NRG1: variants seen among roughly 807,000 people sequenced by gnomAD.
NRG1 encodes the protein pro-neuregulin-1, membrane-bound isoform.
In NRG1, 18 loss-of-function variants were observed where a neutral mutation model predicts 63.8. That is an observed-to-expected ratio of 0.28 (90% CI 0.19 to 0.42). The LOEUF is 0.42. NRG1 is among the 10% of genes least tolerant of loss of function. NRG1 has a pLI of 1.00. For missense variants in NRG1, 762 were observed against 814.7 expected (o/e 0.94, Z 0.79); for synonymous variants, 302 against 301.3 (o/e 1.00, Z -0.02).
chr8:32,314,453 C>CA (rs57635867), intron 1 of NRG1, among the ~76,000 whole-genome samples: 3 of 152,134 alleles, frequency 2.0e-5, no homozygotes, highest in Admixed American at 6.5e-5. Flanking sequence ...CGCGTGAAGA[C>CA]TAAGTAGACG....
At chr8:31,840,145 G>T (rs1299397857) in intron 1 of NRG1, among the ~76,000 whole-genome samples, 1 of 152,092 alleles carries the variant, frequency 6.6e-6, no homozygotes, top group Non-Finnish European at 1.5e-5. Flanking sequence ...AATGTATGTG[G>T]CCTAAATTTA....
At chr8:32,087,484 T>TTTTTTTC in intron 1 of NRG1, among the ~76,000 whole-genome samples, 1 of 119,848 alleles carries the variant, frequency 8.3e-6, no homozygotes, top group Non-Finnish European at 1.7e-5. Flanking sequence ...TTTTCTTTCT[T>TTTTTTTC]TTTTTTTTTT....
chr8:32,367,747 C>G (rs953160562), intron 1 of NRG1, among the ~76,000 whole-genome samples: 1 of 152,074 alleles, frequency 6.6e-6, no homozygotes, highest in Non-Finnish European at 1.5e-5. Context: ...AGATCTTCGC[C>G]CAGACCAACA....
chr8:32,748,876 T>C (rs572472969), intron 7 of NRG1: 44 of 279,146 alleles, frequency 1.6e-4, no homozygotes, highest in African/African-American at 8.8e-4. Flanking sequence ...AAGCCCCTGT[T>C]TGGGGTTTTG....
At chr8:32,654,650 T>TTGTAATATGTATATTATATG (rs1855893431) in intron 5 of NRG1, among the ~76,000 whole-genome samples, 1 of 72,932 alleles carries the variant, frequency 1.4e-5, no homozygotes, top group African/African-American at 4.7e-5. Context: ...AATTTTACCT[T>TTGTAATATGTATATTATATG]TATAATATTG....
chr8:32,503,560 C>A (rs980347227), intron 1 of NRG1, among the ~76,000 whole-genome samples: 2 of 151,966 alleles, frequency 1.3e-5, no homozygotes, highest in Admixed American at 6.6e-5. Flanking sequence ...AGTTTAATAG[C>A]CTTAAACCTC....
At chr8:31,762,154 A>G (rs1294252226) in intron 1 of NRG1, among the ~76,000 whole-genome samples, 3 of 152,216 alleles carry the variant, frequency 2.0e-5, no homozygotes, top group African/African-American at 7.2e-5. Flanking sequence ...ATAGGTATAC[A>G]TGTGACATGG....
chr8:32,483,740 A>AC (rs980000601), intron 1 of NRG1, among the ~76,000 whole-genome samples: 3 of 151,976 alleles, frequency 2.0e-5, no homozygotes, highest in Non-Finnish European at 2.9e-5. Context: ...GTGGGCAGGG[A>AC]CCCCCAGAAA....
chr8:32,763,084 T>C, intron 11 of NRG1: 1 of 908,158 alleles, frequency 1.1e-6, no homozygotes, highest in Admixed American at 2.4e-5. Context: ...ACTGTGTTTG[T>C]TGGACACTGG....
Position 32,579,280 on chromosome 8 carries a change from G to A in NRG1, c.101-16548G>A, listed in dbSNP as rs756142617. On this transcript the variant is annotated intron_variant, in intron 1 of 11. Transcript: ENST00000356819. ...TATGTTTAAATATAAAAATTAGGTC[G>A]GTAACTCTCTGCTCGTGGATTCCTG... Among the ~76,000 whole-genome samples the A allele has an allele frequency of 4.8e-5, 7 of 145,828 alleles. No individual in the cohort carries two copies. In the East Asian group the frequency reaches 6.0e-4, roughly 12 times the overall value.
intron 1 of NRG1, among the ~76,000 whole-genome samples, chr8:32,334,997 T>C (rs552795156): frequency 6.6e-6 from 1 of 152,118 alleles, no homozygotes; most frequent in African/African-American, 2.4e-5. Context: ...GCACGTCCAG[T>C]GTTATTATTA....
At chr8:31,938,465 A>C (rs747238734) in intron 1 of NRG1, among the ~76,000 whole-genome samples, 16 of 152,188 alleles carry the variant, frequency 1.1e-4, no homozygotes, top group Non-Finnish European at 1.8e-4. Context: ...AGATGGGACC[A>C]GAAAAACAAT....
In NRG1 at chr8:32,004,431, G is replaced by A. The variant is rs1335536489; in HGVS notation, c.37+365000G>A. ...AATTAGTAATAATGTATCAGTGTTG[G>A]TTCAGCACTTGTCACAAGTGCACCA... On this transcript the variant is annotated intron_variant, in intron 1 of 10. Coordinates refer to the NRG1 transcript ENST00000519301. Among the ~76,000 whole-genome samples the A allele has an allele frequency of 2.7e-5, 4 of 147,180 alleles. No individual in the cohort carries two copies. The Admixed American group carries it at 2.7e-4, about 10-fold the overall frequency.
At chr8:32,440,146 T>C (rs1440841242) in intron 1 of NRG1, among the ~76,000 whole-genome samples, 2 of 151,972 alleles carry the variant, frequency 1.3e-5, no homozygotes, top group Non-Finnish European at 2.9e-5. Flanking sequence ...TCACACACTT[T>C]TAAACCATCA....
At chr8:31,879,093 G>A (rs1331182146) in intron 1 of NRG1, among the ~76,000 whole-genome samples, 1 of 152,124 alleles carries the variant, frequency 6.6e-6, no homozygotes, top group Non-Finnish European at 1.5e-5. Flanking sequence ...GATTCCACAT[G>A]TACTCAAGGG....
Position 32,409,133 on chromosome 8 carries a change from C to G in NRG1, c.38-186695C>G, listed in dbSNP as rs981163084. 2.6e-5 allele frequency among the ~76,000 whole-genome samples: 4 copies of G among 152,118 alleles called. No individual in the cohort carries two copies. The East Asian group carries it at 5.8e-4, about 22-fold the overall frequency. On this transcript the variant is annotated intron_variant, in intron 1 of 10. Coordinates refer to the NRG1 transcript ENST00000519301. ...ATACGTTACATTTTCTTGATTCAAT[C>G]ATCCATTGATTGAATGGTGTCCTTT...
chr8:32,567,461 G>A (rs920748448), intron 1 of NRG1, among the ~76,000 whole-genome samples: 4 of 152,228 alleles, frequency 2.6e-5, no homozygotes, highest in African/African-American at 9.6e-5. Context: ...GGCCTAGTCT[G>A]ATGCTTAGCC....
chr8:32,712,546 A>G (rs769826715), intron 5 of NRG1, among the ~76,000 whole-genome samples: 1 of 152,208 alleles, frequency 6.6e-6, no homozygotes, highest in Non-Finnish European at 1.5e-5. Context: ...TAGAAGTGCT[A>G]CACATAAAAA....
intron 1 of NRG1, among the ~76,000 whole-genome samples, chr8:32,403,339 C>A (rs893362473): frequency 9.3e-5 from 14 of 150,040 alleles, no homozygotes; most frequent in African/African-American, 3.2e-4. Flanking sequence ...AAGAAATGAG[C>A]AAGCACTGAA....
Sources: allele counts gnomAD v4.1 joint callset (sites outside exome capture counted in the v4.1 genomes callset), GRCh38; gene constraint gnomAD v4.1.1; transcripts MANE v1.5; gene names NCBI Gene and HGNC (gene_info 2026-07-23, HGNC 2026-07-21).